The following SUCLG2 variants were observed in gnomAD, a reference collection of about 807,000 sequenced individuals.
SUCLG2 encodes succinate--CoA ligase [GDP-forming] subunit beta, mitochondrial.
SUCLG2 carries 42 observed loss-of-function variants against 47.9 expected under a neutral mutation model. The observed-to-expected ratio is 0.88, with a 90% CI of 0.69 to 1.14. The LOEUF is 1.14. SUCLG2 is among the 50% of genes most tolerant of loss of function. SUCLG2 has a pLI of 0.00. For synonymous variants in SUCLG2, 195 were observed against 197.3 expected, an observed-to-expected ratio of 0.99 and a Z score of 0.10; for missense variants, 571 against 525.9, an observed-to-expected ratio of 1.09 and a Z score of -0.84.
intron 10 of SUCLG2, among the ~76,000 whole-genome samples, chr3:67,397,916 G>T (rs1284322521): frequency 6.6e-6 from 1 of 150,894 alleles, no homozygotes; most frequent in African/African-American, 2.4e-5. Flanking sequence ...AGAAGCAATG[G>T]GGAAAGGATT....
intron 1 of SUCLG2, among the ~76,000 whole-genome samples, chr3:67,652,982 G>A (rs1342891017): frequency 2.0e-5 from 3 of 152,190 alleles, no homozygotes; most frequent in Admixed American, 6.5e-5. Flanking sequence ...CAGATGGGGC[G>A]TGCTAACAGA....
At chr3:67,555,661 C>A (rs1048062113) in intron 2 of SUCLG2, among the ~76,000 whole-genome samples, 4 of 152,106 alleles carry the variant, frequency 2.6e-5, no homozygotes, top group Non-Finnish European at 5.9e-5. Context: ...GAAAGACAAT[C>A]CACTGAATAA....
chr3:67,370,737 G>C (rs970829094), downstream of SUCLG2, among the ~76,000 whole-genome samples: 1 of 152,170 alleles, frequency 6.6e-6, no homozygotes, highest in South Asian at 2.1e-4. Context: ...ATATGAATGT[G>C]GTCTCTCTCA....
At chr3:67,505,841 A>G (rs945373677) in intron 7 of SUCLG2, among the ~76,000 whole-genome samples, 3 of 152,056 alleles carry the variant, frequency 2.0e-5, no homozygotes, top group African/African-American at 7.2e-5. Flanking sequence ...GGGCGCCTGT[A>G]ATCCCAGATA....
At chr3:67,506,981 C>CT (rs1304420397) in intron 7 of SUCLG2, among the ~76,000 whole-genome samples, 1 of 152,164 alleles carries the variant, frequency 6.6e-6, no homozygotes, top group Non-Finnish European at 1.5e-5. Context: ...CAAATCCCAG[C>CT]TTTTGTAACT....
At position 67,600,776 on chromosome 3, in the gene SUCLG2, T is replaced by G. The variant is rs559692536; in HGVS notation, c.226+8679A>C. 1.3e-4 allele frequency among the ~76,000 whole-genome samples: 20 copies of G among 152,268 alleles called. 1 individual carries two copies. Among genetic ancestry groups the G allele is most frequent in the African/African-American group, 4.1e-4 (17 of 41,554 alleles). ...CTCCATGGTTTTTTTGCCTTTTGAGTGGCTGGAATGGGCATACTTTCCAGG... is the reference window on the plus strand; with the variant it reads ...CTCCATGGTTTTTTTGCCTTTTGAGGGGCTGGAATGGGCATACTTTCCAGG... On this transcript the variant is annotated intron_variant, in intron 2 of 10. Coordinates refer to ENST00000307227, the MANE Select transcript of SUCLG2 (RefSeq NM_003848.4).
intron 2 of SUCLG2, among the ~76,000 whole-genome samples, chr3:67,597,552 TC>T (rs983530422): frequency 6.6e-5 from 10 of 152,134 alleles, no homozygotes; most frequent in African/African-American, 2.2e-4. Context: ...TGTACCCCAC[TC>T]CCAGTAGTCA....
At chr3:67,514,551 G>A (rs1705889322) in intron 6 of SUCLG2, among the ~76,000 whole-genome samples, 1 of 152,144 alleles carries the variant, frequency 6.6e-6, no homozygotes, top group Non-Finnish European at 1.5e-5. Context: ...CTAAACCTTA[G>A]AGGCACATGT....
At chr3:67,595,601 G>C (rs2107286431) in intron 2 of SUCLG2, among the ~76,000 whole-genome samples, 1 of 152,242 alleles carries the variant, frequency 6.6e-6, no homozygotes, top group East Asian at 1.9e-4. Flanking sequence ...CCTGGACTTT[G>C]GGCTTGGAAG....
chr3:67,508,834 G>A lies in SUCLG2; in HGVS notation c.730C>T (p.Pro244Ser). The A allele has an allele frequency of 6.2e-7, 1 of 1,607,838 alleles. No individual in the cohort carries two copies. Among genetic ancestry groups the A allele is most frequent in the East Asian group, 2.2e-5 (1 of 44,750 alleles). Reference protein sequence around the residue: ...KIDATQVEVNPFGETPEGQVV... With the variant: ...KIDATQVEVNSFGETPEGQVV... Reference sequence around the variant, plus strand: ...TGTCCTTCTGGAGTTTCACCAAAGGGATTCACTTCCACCTGAGTAGCATCA... The same window carrying A: ...TGTCCTTCTGGAGTTTCACCAAAGGAATTCACTTCCACCTGAGTAGCATCA... The change falls in exon 7 of 11, where the codon CCC (proline) becomes TCC (serine). Residue 244 changes from proline (P) to serine (S), a missense_variant. Coordinates refer to ENST00000307227, the MANE Select transcript of SUCLG2 (RefSeq NM_003848.4).
chr3:67,431,680 C>G (rs978374167), intron 9 of SUCLG2, among the ~76,000 whole-genome samples: 11 of 149,970 alleles, frequency 7.3e-5, no homozygotes, highest in African/African-American at 9.8e-5. Context: ...TAGGTGGGAA[C>G]TGAACAATCA....
At chr3:67,626,072 T>A (rs940712512) in intron 1 of SUCLG2, among the ~76,000 whole-genome samples, 1 of 151,102 alleles carries the variant, frequency 6.6e-6, no homozygotes, top group Admixed American at 6.6e-5. Flanking sequence ...CAGGCTGGAG[T>A]GCAGTGGCGC....
intron 9 of SUCLG2, among the ~76,000 whole-genome samples, chr3:67,427,374 G>A (rs1252261715): frequency 6.6e-6 from 1 of 152,136 alleles, no homozygotes; most frequent in Non-Finnish European, 1.5e-5. Flanking sequence ...CTTGGTTTCA[G>A]AAATGCCTTA....
intron 9 of SUCLG2, chr3:67,408,863 A>G: frequency 2.1e-6 from 3 of 1,438,112 alleles, no homozygotes; most frequent in Non-Finnish European, 2.7e-6. Context: ...AGGCGGTCTT[A>G]CTGTAAAGTC....
At chr3:67,515,516 G>A (rs1167171892) in intron 6 of SUCLG2, among the ~76,000 whole-genome samples, 5 of 152,010 alleles carry the variant, frequency 3.3e-5, no homozygotes, top group African/African-American at 7.2e-5. Flanking sequence ...ACAGGCATGA[G>A]TCACAGGAAA....
chr3:67,578,550 A>T (rs1707803125), intron 2 of SUCLG2, among the ~76,000 whole-genome samples: 1 of 152,134 alleles, frequency 6.6e-6, no homozygotes, highest in African/African-American at 2.4e-5. Flanking sequence ...GAGAGGGGAC[A>T]GGGCAATGAG....
chr3:67,635,325 C>A (rs58416769), intron 1 of SUCLG2, among the ~76,000 whole-genome samples: 1,692 of 152,230 alleles, frequency 0.011, 31 homozygotes, highest in African/African-American at 0.038. Context: ...CAAAGCCCAA[C>A]AACTGTGAAC....
At chr3:67,471,909 T>C (rs1018617028) in intron 9 of SUCLG2, among the ~76,000 whole-genome samples, 1 of 152,174 alleles carries the variant, frequency 6.6e-6, no homozygotes, top group Non-Finnish European at 1.5e-5. Flanking sequence ...CAAAGAACTG[T>C]TTCCTCCAGA....
intron 1 of SUCLG2, among the ~76,000 whole-genome samples, chr3:67,628,522 T>C (rs1393863250): frequency 6.6e-6 from 1 of 152,186 alleles, no homozygotes; most frequent in Non-Finnish European, 1.5e-5. Flanking sequence ...TGAGTGGACA[T>C]GGAACTGATA....
Sources: allele counts gnomAD v4.1 joint callset (sites outside exome capture counted in the v4.1 genomes callset), GRCh38; gene constraint gnomAD v4.1.1; transcripts MANE v1.5; gene names NCBI Gene and HGNC (gene_info 2026-07-23, HGNC 2026-07-21).